The following MACC1 variants were observed in gnomAD, a reference collection of about 807,000 sequenced individuals.
MACC1 encodes the protein metastasis-associated in colon cancer protein 1.
Under a neutral mutation model 70.7 loss-of-function variants are expected in MACC1, and 79 were observed. The observed-to-expected ratio is 1.12, with a 90% CI of 0.93 to 1.35. The LOEUF (loss-of-function observed/expected upper bound fraction) is 1.35. MACC1 is among the 40% of genes most tolerant of loss of function. The pLI is 0.00. For synonymous variants in MACC1, 361 were observed against 347.2 expected, an observed-to-expected ratio of 1.04 and a Z score of -0.44; for missense variants, 1,106 against 978.1, an observed-to-expected ratio of 1.13 and a Z score of -1.74.
Position 20,159,052 on chromosome 7 carries a change from T to C in MACC1, c.1309A>G (p.Ile437Val), listed in dbSNP as rs923576419. ...TCAAAATCAGGATCACAGGAAAAAATAGAAATACTTAAATCTTGTGGCTTG... is the reference window on the plus strand; with the variant it reads ...TCAAAATCAGGATCACAGGAAAAAACAGAAATACTTAAATCTTGTGGCTTG... ...LDKPQDLSIS[I>V]FSCDPDFEVK... The change falls in exon 5 of 7, where the codon ATT becomes GTT. Residue 437 changes from isoleucine (I) to valine (V), a missense_variant. Ile to Val is a conservative substitution (Grantham distance 29). Transcript: ENST00000400331. The C allele has an allele frequency of 8.1e-6, 13 of 1,613,576 alleles. No homozygotes were observed. Among genetic ancestry groups the C allele is most frequent in the African/African-American group, 4.0e-5 (3 of 74,882 alleles).
At chr7:20,147,707 C>T (rs1209520232) in intron 6 of MACC1, among the ~76,000 whole-genome samples, 1 of 152,156 alleles carries the variant, frequency 6.6e-6, no homozygotes, top group Non-Finnish European at 1.5e-5. Context: ...CACAAGATTC[C>T]ATTGAAAAAG....
In MACC1 at chr7:20,159,998, A is replaced by G. The variant is rs1782118565; in HGVS notation, c.363T>C (p.Asp121=). The change falls in exon 5 of 7, where the codon GAT becomes GAC. Residue 121 remains aspartate (D), a synonymous_variant. Coordinates refer to ENST00000400331, the MANE Select transcript of MACC1 (RefSeq NM_182762.4). Reference sequence around the variant, plus strand: ...AAGTCTGCCTAAGTAACTGATGCACATCAAGTTCATCACCGGAGGAATCAA... The same window carrying G: ...AAGTCTGCCTAAGTAACTGATGCACGTCAAGTTCATCACCGGAGGAATCAA... ...NSFDSSGDEL[D]VHQLLRQTSS... The G allele has an allele frequency of 1.2e-6, 2 of 1,613,800 alleles. No individual in the cohort carries two copies. The highest frequency in any genetic ancestry group is 2.2e-5 in the South Asian group (2 of 91,048).
intron 4 of MACC1, among the ~76,000 whole-genome samples, chr7:20,160,829 T>C (rs1782129973): frequency 6.6e-6 from 1 of 152,078 alleles, no homozygotes; most frequent in Non-Finnish European, 1.5e-5. Context: ...TATTAGATAA[T>C]TCTATAATTT....
intron 1 of MACC1, among the ~76,000 whole-genome samples, chr7:20,186,466 A>C (rs1479354075): frequency 1.3e-5 from 2 of 152,184 alleles, no homozygotes; most frequent in African/African-American, 2.4e-5. Flanking sequence ...GGGCACCATA[A>C]AAAATGTAGC....
At chr7:20,183,110 T>C (rs983945226) in intron 1 of MACC1, among the ~76,000 whole-genome samples, 8 of 152,328 alleles carry the variant, frequency 5.3e-5, no homozygotes, top group South Asian at 4.1e-4. Flanking sequence ...TGACATTGTA[T>C]GGCAAAAGGG....
intron 1 of MACC1, among the ~76,000 whole-genome samples, chr7:20,200,757 A>G (rs1351476544): frequency 6.6e-6 from 1 of 152,174 alleles, no homozygotes; most frequent in Non-Finnish European, 1.5e-5. Context: ...TAATCCTGGA[A>G]GTTTCTAAGA....
intron 6 of MACC1, 91 bp downstream of exon 6, chr7:20,154,102 G>T: frequency 7.6e-7 from 1 of 1,317,338 alleles, no homozygotes; most frequent in Non-Finnish European, 1.1e-6. Context: ...CATTCCCCCA[G>T]TGAATCCGTG....
intron 1 of MACC1, among the ~76,000 whole-genome samples, chr7:20,177,319 T>C (rs935331362): frequency 2.0e-5 from 3 of 152,168 alleles, no homozygotes; most frequent in African/African-American, 7.2e-5. Context: ...AACTATGCTG[T>C]TCAAATACAC....
chr7:20,203,361 A>C (rs140848283), intron 1 of MACC1, among the ~76,000 whole-genome samples: 373 of 152,276 alleles, frequency 2.4e-3, no homozygotes, highest in Non-Finnish European at 4.5e-3. Flanking sequence ...CGAAGTTGGA[A>C]GCTTTGACCC....
At chr7:20,192,875 A>G (rs1213261865) in intron 1 of MACC1, among the ~76,000 whole-genome samples, 4 of 152,242 alleles carry the variant, frequency 2.6e-5, no homozygotes, top group African/African-American at 9.6e-5. Context: ...TACTGATGAA[A>G]TTGAAAAGTA....
intron 6 of MACC1, among the ~76,000 whole-genome samples, chr7:20,151,463 T>A (rs978229373): frequency 2.6e-5 from 4 of 152,242 alleles, no homozygotes; most frequent in African/African-American, 9.6e-5. Flanking sequence ...CTGAAAGAAA[T>A]ACTCTGAAAA....
chr7:20,145,816 A>G (rs1781881927), intron 6 of MACC1, among the ~76,000 whole-genome samples: 3 of 152,224 alleles, frequency 2.0e-5, no homozygotes, highest in African/African-American at 7.2e-5. Context: ...TATGTACTTA[A>G]TACACTGATA....
At chr7:20,157,601 T>C (rs1379884402) in intron 5 of MACC1, among the ~76,000 whole-genome samples, 18 of 147,454 alleles carry the variant, frequency 1.2e-4, no homozygotes, top group Admixed American at 2.7e-4. Flanking sequence ...TTGGGAAACA[T>C]AGTGAGACAC....
At chr7:20,148,343 T>C (rs10486383) in intron 6 of MACC1, among the ~76,000 whole-genome samples, 2,123 of 152,326 alleles carry the variant, frequency 0.014, 44 homozygotes, top group Admixed American at 0.04. Flanking sequence ...AACCTTGCTA[T>C]AAATCTAGGG....
chr7:20,215,947 A>G (rs1783063492), intron 1 of MACC1, among the ~76,000 whole-genome samples: 1 of 152,222 alleles, frequency 6.6e-6, no homozygotes, highest in Admixed American at 6.5e-5. Context: ...AAAATGAGTC[A>G]TAACTAAAGC....
At chr7:20,166,811 T>C (rs561944193) in intron 2 of MACC1, among the ~76,000 whole-genome samples, 3 of 152,328 alleles carry the variant, frequency 2.0e-5, no homozygotes, top group Admixed American at 2.0e-4. Flanking sequence ...CTTTCTATCT[T>C]ATTATCCTTC....
chr7:20,168,190 T>C (rs1289993931), intron 2 of MACC1, among the ~76,000 whole-genome samples: 2 of 152,006 alleles, frequency 1.3e-5, no homozygotes, highest in African/African-American at 4.8e-5. Context: ...CTTAAAAATA[T>C]GTTGAGAAAT....
intron 1 of MACC1, among the ~76,000 whole-genome samples, chr7:20,210,051 T>G (rs1432385759): frequency 6.6e-6 from 1 of 152,288 alleles, no homozygotes; most frequent in South Asian, 2.1e-4. Context: ...AGTGAGACAA[T>G]TAAGCCTCTT....
chr7:20,168,628 A>T (rs1156722218), intron 2 of MACC1, among the ~76,000 whole-genome samples: 1 of 152,192 alleles, frequency 6.6e-6, no homozygotes, highest in Non-Finnish European at 1.5e-5. Context: ...CTCTTTCTTA[A>T]TGTGTGTTGA....
Sources: gnomAD v4.1 joint callset for allele counts (sites outside exome capture counted in the v4.1 genomes callset) on GRCh38, gnomAD v4.1.1 for gene constraint, MANE v1.5 for transcripts, NCBI Gene and HGNC (gene_info 2026-07-23, HGNC 2026-07-21) for gene names.